Variants in ABCA12 observed in about 807,000 individuals in gnomAD.
ABCA12 encodes the protein ATP binding cassette subfamily A member 12, also known as glucosylceramide transporter ABCA12.
A neutral mutation model predicts 293.5 loss-of-function variants in ABCA12; 156 were observed. That is an observed-to-expected ratio of 0.53 (90% CI 0.47 to 0.61). The LOEUF is 0.61. Ranked by LOEUF, ABCA12 falls within the 20% of genes least tolerant of loss-of-function variation. The probability of loss-of-function intolerance (pLI) is 0.00; values close to 1 mark genes in which losing one functional copy is unlikely to be tolerated. For missense variants in ABCA12, 2,797 were observed against 3,090.2 expected, an observed-to-expected ratio of 0.91 and a Z score of 2.25; for synonymous variants, 1,063 against 1,108.0, an observed-to-expected ratio of 0.96 and a Z score of 0.81.
rs1256113827 is a variant in ABCA12, at chr2:215,132,363, G to A, written c.69+5777C>T. Among the ~76,000 whole-genome samples, 4 of 151,916 alleles carry A rather than the reference G, an allele frequency of 2.6e-5. No individual in the cohort carries two copies. In the East Asian group the frequency reaches 7.7e-4, roughly 29 times the overall value. On this transcript the variant is annotated intron_variant, in intron 1 of 52. Transcript: ENST00000272895. Reference sequence around the variant, plus strand: ...TGAAGTCCACCACTATTATTGTATTGCTATTAATCTGTTTTCCTAGGTCTA... The same window carrying A: ...TGAAGTCCACCACTATTATTGTATTACTATTAATCTGTTTTCCTAGGTCTA...
chr2:215,105,601 GCA>G (rs34835810), intron 2 of ABCA12, among the ~76,000 whole-genome samples: 23,143 of 137,946 alleles, frequency 0.17, 2,317 homozygotes, highest in African/African-American at 0.29. Context: ...ACACACACAC[GCA>G]CACACACACA....
intron 1 of ABCA12, 130 bp downstream of exon 1, chr2:215,138,010 A>T: frequency 1.0e-6 from 1 of 966,488 alleles, no homozygotes; most frequent in African/African-American, 1.6e-5. Flanking sequence ...GATGAATTCT[A>T]AATATCTTAC....
chr2:214,956,204 G>C (rs140272919), intron 42 of ABCA12, among the ~76,000 whole-genome samples: 87 of 152,262 alleles, frequency 5.7e-4, no homozygotes, highest in African/African-American at 2.1e-3. Flanking sequence ...TGTGTTACCT[G>C]TATTAGCTTA....
intron 7 of ABCA12, among the ~76,000 whole-genome samples, chr2:215,042,965 T>C (rs548393684): frequency 6.6e-6 from 1 of 152,196 alleles, no homozygotes; most frequent in Non-Finnish European, 1.5e-5. Flanking sequence ...TGCATGGCTG[T>C]TTTAATTTGT....
At chr2:214,997,644 A>AT in intron 23 of ABCA12, 51 bp downstream of exon 23, 3 of 1,315,542 alleles carry the variant, frequency 2.3e-6, no homozygotes, top group Non-Finnish European at 3.3e-6. Flanking sequence ...AATCATAGTA[A>AT]TTGTTCTATG....
At chr2:214,972,960 C>T (rs371945897) in intron 36 of ABCA12, among the ~76,000 whole-genome samples, 36 of 152,048 alleles carry the variant, frequency 2.4e-4, no homozygotes, top group African/African-American at 7.0e-4. Flanking sequence ...ACCACAGACG[C>T]GTGTCACCAT....
intron 3 of ABCA12, among the ~76,000 whole-genome samples, chr2:215,056,362 A>G (rs1335609246): frequency 2.0e-5 from 3 of 152,092 alleles, no homozygotes; most frequent in Non-Finnish European, 2.9e-5. Flanking sequence ...TTCCCTTCTC[A>G]GCAAGCAGCT....
rs181110088 is a variant in ABCA12, at chr2:215,105,584, C to T, written c.163+6013G>A. Among the ~76,000 whole-genome samples, 3 of 136,918 alleles carry T rather than the reference C, an allele frequency of 2.2e-5. No homozygotes were observed. The South Asian group carries it at 6.5e-4, about 30-fold the overall frequency. 89.8% of individuals were successfully genotyped at this position (136,918 alleles called of 152,430 possible). ...GTTGGAGTTAGGGCTTCAAGACACA[C>T]ACACACACACACACACGCACACACA... On this transcript the variant is annotated intron_variant, in intron 2 of 52. Transcript: ENST00000272895.
At chr2:215,134,616 T>TATATAGAG (rs1319987969) in intron 1 of ABCA12, among the ~76,000 whole-genome samples, 3 of 80,658 alleles carry the variant, frequency 3.7e-5, no homozygotes, top group African/African-American at 1.9e-4. Context: ...TATATATATA[T>TATATAGAG]AGAGAGAGAG....
chr2:214,942,690 A>T (rs959789317), intron 50 of ABCA12, among the ~76,000 whole-genome samples: 6 of 152,186 alleles, frequency 3.9e-5, no homozygotes, highest in African/African-American at 1.4e-4. Flanking sequence ...TTATGCATTA[A>T]CTAAAATACA....
chr2:215,072,897 C>T (rs1054932896), intron 2 of ABCA12, among the ~76,000 whole-genome samples: 2 of 152,174 alleles, frequency 1.3e-5, no homozygotes, highest in African/African-American at 4.8e-5. Flanking sequence ...GAGTTCGAGA[C>T]CAGCCTGGCC....
At chr2:215,104,068 T>A (rs1007184424) in intron 2 of ABCA12, among the ~76,000 whole-genome samples, 2 of 152,136 alleles carry the variant, frequency 1.3e-5, no homozygotes, top group African/African-American at 4.8e-5. Flanking sequence ...GCACTCCCTA[T>A]CTGAGAGGAG....
intron 11 of ABCA12, among the ~76,000 whole-genome samples, chr2:215,024,211 T>C (rs1207067567): frequency 6.6e-6 from 1 of 152,194 alleles, no homozygotes; most frequent in Admixed American, 6.5e-5. Context: ...ATATCCCGCC[T>C]CCATGCACAG....
intron 23 of ABCA12, among the ~76,000 whole-genome samples, chr2:214,991,809 A>T (rs2038959): frequency 1 from 152,081 of 152,298 alleles, 75,933 homozygotes; most frequent in Middle Eastern, 1. Flanking sequence ...AAGCACAATC[A>T]ATTTGTGCAT....
intron 11 of ABCA12, among the ~76,000 whole-genome samples, chr2:215,021,017 T>C (rs1264985880): frequency 2.0e-5 from 3 of 152,224 alleles, no homozygotes; most frequent in Non-Finnish European, 4.4e-5. Context: ...TCCTGGCTAA[T>C]GTTTTGTATT....
intron 39 of ABCA12, among the ~76,000 whole-genome samples, chr2:214,965,287 C>G (rs1189435088): frequency 1.3e-5 from 2 of 152,090 alleles, no homozygotes; most frequent in East Asian, 3.9e-4. Flanking sequence ...AGAAGAAAAT[C>G]TAGGCAATAC....
At chr2:214,937,051 G>A (rs758737834) in intron 51 of ABCA12, among the ~76,000 whole-genome samples, 12 of 152,092 alleles carry the variant, frequency 7.9e-5, no homozygotes, top group Non-Finnish European at 1.2e-4. Flanking sequence ...CATATCTTAC[G>A]CATCTTGAAC....
chr2:215,064,045 A>G (rs1167267086), intron 3 of ABCA12, 21 bp downstream of exon 3: 3 of 1,612,232 alleles, frequency 1.9e-6, no homozygotes, highest in African/African-American at 2.7e-5. Flanking sequence ...ACAATTGAAC[A>G]CACTTGAGAA....
At chr2:215,011,929 A>G (rs762058779) in intron 16 of ABCA12, 42 bp downstream of exon 16, 1 of 1,599,664 alleles carries the variant, frequency 6.3e-7, no homozygotes, top group Non-Finnish European at 8.6e-7. Context: ...AATATGACAG[A>G]AGGCATTTTT....
Sources: allele counts gnomAD v4.1 joint callset (sites outside exome capture counted in the v4.1 genomes callset), GRCh38; gene constraint gnomAD v4.1.1; transcripts MANE v1.5; gene names NCBI Gene and HGNC (gene_info 2026-07-23, HGNC 2026-07-21).